The following ADAM18 variants were observed in gnomAD, a reference collection of about 807,000 sequenced individuals.
The protein encoded by ADAM18 is ADAM metallopeptidase domain 18.
ADAM18 carries 117 observed loss-of-function variants against 94.4 expected under a neutral mutation model. The observed-to-expected ratio is 1.24, with a 90% CI of 1.07 to 1.45. ADAM18 has a LOEUF of 1.45. ADAM18 is among the 40% of genes most tolerant of loss of function. The probability of loss-of-function intolerance (pLI) is 0.00; values close to 1 mark genes in which losing one functional copy is unlikely to be tolerated. For missense variants in ADAM18, 936 were observed against 880.0 expected (o/e 1.06, Z -0.81); for synonymous variants, 327 against 291.6 (o/e 1.12, Z -1.24).
chr8:39,626,331 T>C (rs1407145015), intron 6 of ADAM18, among the ~76,000 whole-genome samples: 1 of 152,120 alleles, frequency 6.6e-6, no homozygotes, highest in Non-Finnish European at 1.5e-5. Context: ...GGTCTATTAG[T>C]TTTGTTAATC....
chr8:39,686,910 C>T (rs1048391380), intron 16 of ADAM18, among the ~76,000 whole-genome samples: 35 of 152,222 alleles, frequency 2.3e-4, no homozygotes, highest in African/African-American at 8.2e-4. Context: ...TCATATGAAG[C>T]CAAGAGATCT....
In ADAM18 at chr8:39,609,137, TA is replaced by T. The variant is rs1286290247; in HGVS notation, c.267+18del. 7 of 1,488,336 alleles carry T rather than the reference TA, an allele frequency of 4.7e-6. No individual in the cohort carries two copies. Among genetic ancestry groups the T allele is most frequent in the South Asian group, 2.5e-5 (2 of 81,444 alleles). 92.2% of individuals were successfully genotyped at this position (1,488,336 alleles called of 1,614,324 possible). On this transcript the variant is annotated intron_variant, in intron 4 of 19. Transcript: ENST00000265707. Reference sequence around the variant, plus strand: ...TATTTTATGGTAAAGTAAGATACCTTATTTTTTTTGTTAAAGTGGTTATATT... The same window carrying T: ...TATTTTATGGTAAAGTAAGATACCTTTTTTTTTTGTTAAAGTGGTTATATT...
intron 11 of ADAM18, among the ~76,000 whole-genome samples, chr8:39,647,271 G>A (rs1737529649): frequency 6.7e-6 from 1 of 150,000 alleles, no homozygotes; most frequent in African/African-American, 2.4e-5. Flanking sequence ...AAGAATCTAT[G>A]TCATAATTAA....
intron 2 of ADAM18, among the ~76,000 whole-genome samples, chr8:39,586,588 G>A (rs1818398694): frequency 6.6e-6 from 1 of 152,134 alleles, no homozygotes; most frequent in Admixed American, 6.5e-5. Flanking sequence ...TTAACTGGGT[G>A]TGGTGGTGTG....
chr8:39,681,951 T>C (rs1426789600), intron 16 of ADAM18, among the ~76,000 whole-genome samples: 2 of 152,158 alleles, frequency 1.3e-5, no homozygotes, highest in Non-Finnish European at 2.9e-5. Flanking sequence ...AACATAACCA[T>C]TGATGATTTT....
intron 18 of ADAM18, among the ~76,000 whole-genome samples, chr8:39,719,504 T>C (rs1243183774): frequency 6.6e-6 from 1 of 151,394 alleles, no homozygotes; most frequent in Non-Finnish European, 1.5e-5. Flanking sequence ...CAAAAGCCAC[T>C]GTTAGGGGAA....
At chr8:39,611,896 A>G (rs1819284406) in intron 6 of ADAM18, among the ~76,000 whole-genome samples, 2 of 152,210 alleles carry the variant, frequency 1.3e-5, no homozygotes, top group Non-Finnish European at 2.9e-5. Context: ...CAAAGCAAAC[A>G]TTTTTAACAG....
rs149593658 is a variant in ADAM18, at chr8:39,716,270, T to C, written c.2018-7478T>C. Reference sequence around the variant, plus strand: ...GTTCATTTTTCTCTTTCTAGTTCTTTGAAGGGTAATGTTAGGTTGTTTATT... The same window carrying C: ...GTTCATTTTTCTCTTTCTAGTTCTTCGAAGGGTAATGTTAGGTTGTTTATT... On this transcript the variant is annotated intron_variant, in intron 18 of 19. Coordinates refer to ENST00000265707, the MANE Select transcript of ADAM18 (RefSeq NM_014237.3). Among the ~76,000 whole-genome samples, 331 of 152,140 alleles carry C rather than the reference T, an allele frequency of 2.2e-3. 2 individuals are homozygous for C. Among genetic ancestry groups the C allele is most frequent in the African/African-American group, 7.5e-3 (313 of 41,528 alleles).
chr8:39,706,500 GACT>G (rs1230770244), intron 17 of ADAM18, among the ~76,000 whole-genome samples: 1 of 151,936 alleles, frequency 6.6e-6, no homozygotes, highest in East Asian at 1.9e-4. Context: ...TGAATATGAA[GACT>G]ACAACTTTAT....
intron 2 of ADAM18, among the ~76,000 whole-genome samples, chr8:39,595,039 T>G (rs937963600): frequency 3.9e-5 from 6 of 151,990 alleles, no homozygotes; most frequent in African/African-American, 1.2e-4. Context: ...CTGGTAGAAT[T>G]TTTGTTATAG....
At chr8:39,685,693 A>G (rs1187860930) in intron 16 of ADAM18, among the ~76,000 whole-genome samples, 1 of 152,144 alleles carries the variant, frequency 6.6e-6, no homozygotes, top group Non-Finnish European at 1.5e-5. Context: ...CAAATTTTTT[A>G]GTTCTGCTTT....
chr8:39,680,041 G>A lies in ADAM18; in HGVS notation c.1636G>A (p.Val546Ile). 6.2e-7 allele frequency: 1 copy of A among 1,613,462 alleles called. No homozygotes were observed. Among genetic ancestry groups the A allele is most frequent in the Non-Finnish European group, 8.5e-7 (1 of 1,179,750 alleles). ...CTTTTTGCTTTCCACTTCCAGGGATGTTCTCTGTGGAAAATTAGCTTGTGT... is the reference window on the plus strand; with the variant it reads ...CTTTTTGCTTTCCACTTCCAGGGATATTCTCTGTGGAAAATTAGCTTGTGT... ...SQPLPCERKD[V>I]LCGKLACVQP... The change falls in exon 16 of 20, where the codon GTT becomes ATT. Residue 546 changes from valine to isoleucine, a missense_variant. Transcript: ENST00000265707.
Position 39,663,867 on chromosome 8 carries a change from C to T in ADAM18, c.1303C>T (p.Pro435Ser), listed in dbSNP as rs1241947104. The part of the protein sequence containing the change: ...LKGSVKCGSG[P>S]CCTSKCELSI... ...GGGCTCAGTAAAATGTGGTTCTGGA[C>T]CATGTTGTACATCAAAGTGTGAGGT... Residue 435 changes from proline (P) to serine (S), a missense_variant, in exon 13 of 20, where the codon CCA (proline) becomes TCA (serine). Physicochemically the swap from Pro to Ser is moderately conservative, Grantham distance 74. Coordinates refer to ENST00000265707, the MANE Select transcript of ADAM18 (RefSeq NM_014237.3). 8 of 1,610,770 alleles carry T rather than the reference C, an allele frequency of 5.0e-6. No individual in the cohort carries two copies. The highest frequency in any genetic ancestry group is 1.6e-4 in the Middle Eastern group (1 of 6,072).
chr8:39,640,411 T>G (rs188831391), intron 10 of ADAM18, among the ~76,000 whole-genome samples: 124 of 152,308 alleles, frequency 8.1e-4, no homozygotes, highest in African/African-American at 2.9e-3. Flanking sequence ...TACCACATTT[T>G]CTTTATCCAG....
chr8:39,596,035 ACT>A (rs1818731635), intron 2 of ADAM18, among the ~76,000 whole-genome samples: 1 of 152,204 alleles, frequency 6.6e-6, no homozygotes, highest in Admixed American at 6.5e-5. Flanking sequence ...TCTAAAATAA[ACT>A]GTGTGTGTGG....
rs558166776 is a variant in ADAM18, at chr8:39,651,680, T to C, written c.1230+3153T>C. 2.6e-5 allele frequency among the ~76,000 whole-genome samples: 4 copies of C among 152,300 alleles called. No homozygotes were observed. In the South Asian group the frequency reaches 8.3e-4, roughly 32 times the overall value. On this transcript the variant is annotated intron_variant, in intron 12 of 19. Transcript: ENST00000265707. Reference sequence around the variant, plus strand: ...CTCAAGGCAGAAGAATTTTTCTTAGTACAGAACAAAATGGAGTCTCTTATG... The same window carrying C: ...CTCAAGGCAGAAGAATTTTTCTTAGCACAGAACAAAATGGAGTCTCTTATG...
chr8:39,719,164 G>T (rs1182084134), intron 18 of ADAM18, among the ~76,000 whole-genome samples: 1 of 151,264 alleles, frequency 6.6e-6, no homozygotes, highest in East Asian at 1.9e-4. Flanking sequence ...AATAGAATAA[G>T]AAACCAGAAA....
At chr8:39,704,324 C>T (rs892816426) in intron 17 of ADAM18, among the ~76,000 whole-genome samples, 2 of 152,016 alleles carry the variant, frequency 1.3e-5, no homozygotes, top group African/African-American at 2.4e-5. Flanking sequence ...TACTGGTCAA[C>T]CGAATTCAGA....
chr8:39,593,595 A>G (rs997848970), intron 2 of ADAM18, among the ~76,000 whole-genome samples: 1 of 152,168 alleles, frequency 6.6e-6, no homozygotes, highest in East Asian at 1.9e-4. Flanking sequence ...GAATCCAAAC[A>G]TATACAGTCA....
Sources: gnomAD v4.1 joint callset for allele counts (sites outside exome capture counted in the v4.1 genomes callset) on GRCh38, gnomAD v4.1.1 for gene constraint, MANE v1.5 for transcripts, NCBI Gene and HGNC (gene_info 2026-07-23, HGNC 2026-07-21) for gene names.